The following POLN variants were observed in gnomAD, a reference collection of about 807,000 sequenced individuals.
POLN encodes the protein DNA polymerase N.
Under a neutral mutation model 113.5 loss-of-function variants are expected in POLN, and 108 were observed. The observed-to-expected ratio is 0.95, with a 90% CI of 0.81 to 1.12. The LOEUF (loss-of-function observed/expected upper bound fraction) is 1.12, where lower values mean the gene tolerates loss of function less well. Among genes scored for constraint, POLN ranks in the 50% most tolerant of loss-of-function variants. The pLI is 0.00. For missense variants in POLN, 1,097 were observed against 1,077.1 expected, an observed-to-expected ratio of 1.02 and a Z score of -0.26; for synonymous variants, 386 against 391.5, an observed-to-expected ratio of 0.99 and a Z score of 0.17.
At chr4:2,141,139 C>A (rs1731991103) in intron 16 of POLN, 1 of 152,260 alleles carries the variant, frequency 6.6e-6, no homozygotes, top group Non-Finnish European at 1.5e-5. Context: ...CTGAAGCTAG[C>A]CCTTCTTCGG....
At position 2,072,024 on chromosome 4, in the gene POLN, C is replaced by T. The variant is rs148900226; in HGVS notation, c.*90G>A. ...CCACCCCAGCCCCAAAGGGTTAATG[C>T]GTCCTGGGGCGTACAGAGCTGGTGA... On this transcript the variant is annotated 3_prime_UTR_variant, in exon 26 of 26. Coordinates refer to ENST00000511885, the MANE Select transcript of POLN (RefSeq NM_181808.4). 7,288 of 1,433,336 alleles carry T rather than the reference C, an allele frequency of 5.1e-3. 26 individuals are homozygous for T. The highest frequency in any genetic ancestry group is 6.3e-3 in the Non-Finnish European group (6,396 of 1,016,864). The allele number at this position is 1,433,336 out of a possible 1,614,324, so 88.8% of individuals were successfully genotyped here.
At chr4:2,157,217 C>T (rs1408525551) in intron 15 of POLN, among the ~76,000 whole-genome samples, 3 of 152,134 alleles carry the variant, frequency 2.0e-5, no homozygotes, top group Admixed American at 1.3e-4. Context: ...TGAACTTGAA[C>T]GAGTCACAGA....
In POLN at chr4:2,236,528, G is replaced by C. The variant is rs1734773944; in HGVS notation, c.-13+4992C>G. 4 of 1,034,272 alleles carry C rather than the reference G, an allele frequency of 3.9e-6. No homozygotes were observed. In the East Asian group the frequency reaches 9.7e-5, roughly 25 times the overall value. The allele number at this position is 1,034,272 out of a possible 1,614,324, so 64.1% of individuals were successfully genotyped here. Reference sequence around the variant, plus strand: ...ATCATTTTCAAAATTACAATCCACTGTATTGGGGCATTTGTGGGGATAGCT... The same window carrying C: ...ATCATTTTCAAAATTACAATCCACTCTATTGGGGCATTTGTGGGGATAGCT... On this transcript the variant is annotated intron_variant, in intron 2 of 25. Coordinates refer to ENST00000511885, the MANE Select transcript of POLN (RefSeq NM_181808.4).
chr4:2,113,523 T>A (rs1402827355), intron 19 of POLN, among the ~76,000 whole-genome samples: 1 of 151,988 alleles, frequency 6.6e-6, no homozygotes, highest in Non-Finnish European at 1.5e-5. Flanking sequence ...GTACTTTTGA[T>A]GTCTTACATT....
intron 6 of POLN, among the ~76,000 whole-genome samples, chr4:2,196,752 G>A (rs977083305): frequency 6.6e-6 from 1 of 152,290 alleles, no homozygotes; most frequent in African/African-American, 2.4e-5. Context: ...ACAGAAGGAA[G>A]TAAGGAAAAA....
chr4:2,109,711 T>A (rs1731147594), intron 19 of POLN, among the ~76,000 whole-genome samples: 1 of 152,226 alleles, frequency 6.6e-6, no homozygotes, highest in Admixed American at 6.5e-5. Flanking sequence ...TTATGCCTAG[T>A]GTTTGCATGG....
chr4:2,080,867 T>C, intron 23 of POLN, 91 bp downstream of exon 23: 2 of 1,604,598 alleles, frequency 1.2e-6, no homozygotes, highest in Admixed American at 1.7e-5. Context: ...TAAGCAGAGA[T>C]GGTGATCATC....
chr4:2,201,388 T>C (rs1410322649), intron 5 of POLN, among the ~76,000 whole-genome samples: 4 of 146,558 alleles, frequency 2.7e-5, no homozygotes, highest in Admixed American at 6.9e-5. Flanking sequence ...GATGCACTTA[T>C]AGAAATGCAA....
chr4:2,173,726 G>T (rs1321127354), intron 11 of POLN, among the ~76,000 whole-genome samples: 2 of 152,048 alleles, frequency 1.3e-5, no homozygotes, highest in African/African-American at 4.8e-5. Context: ...TTTTGAGGAG[G>T]ATCCTGAGGA....
chr4:2,107,520 G>A (rs1731093122), intron 19 of POLN, among the ~76,000 whole-genome samples: 1 of 152,194 alleles, frequency 6.6e-6, no homozygotes, highest in South Asian at 2.1e-4. Context: ...AGAGATAACG[G>A]GGGTAGCATT....
chr4:2,160,528 C>A (rs1032531960), intron 13 of POLN, among the ~76,000 whole-genome samples: 1 of 152,078 alleles, frequency 6.6e-6, no homozygotes, highest in African/African-American at 2.4e-5. Flanking sequence ...CCTACCTCAG[C>A]CTCCCAAGTA....
Position 2,174,706 on chromosome 4 carries a change from T to TCAGA in POLN, c.1290_1293dup (p.Ile432SerfsTer52). On this transcript the variant is annotated frameshift_variant, in exon 10 of 26. Coordinates refer to ENST00000511885, the MANE Select transcript of POLN (RefSeq NM_181808.4). LOFTEE classifies it high-confidence loss of function. ...GGTAACTTACCTGCCAAAATTGGTA[T>TCAGA]CAGAGGAAGCTCCAAAGTACGAAAT... 2 of 1,610,020 alleles carry TCAGA rather than the reference T, an allele frequency of 1.2e-6. No homozygotes were observed. The highest frequency in any genetic ancestry group is 2.2e-5 in the South Asian group (2 of 90,968).
chr4:2,138,114 G>A (rs747504792), intron 16 of POLN, among the ~76,000 whole-genome samples: 1 of 152,234 alleles, frequency 6.6e-6, no homozygotes, highest in African/African-American at 2.4e-5. Flanking sequence ...TGGGATTATA[G>A]GCATGAGCCA....
At chr4:2,170,258 C>T (rs1351373963) in intron 13 of POLN, among the ~76,000 whole-genome samples, 1 of 152,194 alleles carries the variant, frequency 6.6e-6, no homozygotes, top group East Asian at 1.9e-4. Flanking sequence ...AGCACAATCT[C>T]ACTACTCCTT....
chr4:2,158,804 C>A (rs1160788602), intron 14 of POLN, among the ~76,000 whole-genome samples: 2 of 152,192 alleles, frequency 1.3e-5, no homozygotes, highest in Non-Finnish European at 2.9e-5. Context: ...ATGGTCTTGG[C>A]AGACCTAGAA....
intron 3 of POLN, among the ~76,000 whole-genome samples, chr4:2,224,034 A>T (rs898927354): frequency 6.6e-6 from 1 of 152,234 alleles, no homozygotes; most frequent in African/African-American, 2.4e-5. Flanking sequence ...TAAATTTTTT[A>T]AACTTTTGAA....
chr4:2,177,593 G>A (rs1733027636), intron 8 of POLN, among the ~76,000 whole-genome samples: 3 of 152,250 alleles, frequency 2.0e-5, no homozygotes, highest in African/African-American at 7.2e-5. Flanking sequence ...GTGTGGATGA[G>A]TTGAACCCTG....
intron 23 of POLN, chr4:2,079,580 G>C: frequency 1.0e-5 from 10 of 985,412 alleles, no homozygotes; most frequent in Non-Finnish European, 1.2e-5. Flanking sequence ...AGAGGACTGA[G>C]AGTGAATCTT....
At chr4:2,229,749 GAAGGC>G (rs2108774263) in intron 2 of POLN, 1 of 152,446 alleles carries the variant, frequency 6.6e-6, no homozygotes, top group Admixed American at 6.5e-5. Flanking sequence ...CGTGAACCCA[GAAGGC>G]AGAGGTTGCA....
Sources: gnomAD v4.1 joint callset for allele counts (sites outside exome capture counted in the v4.1 genomes callset) on GRCh38, gnomAD v4.1.1 for gene constraint, MANE v1.5 for transcripts, NCBI Gene and HGNC (gene_info 2026-07-23, HGNC 2026-07-21) for gene names.